CHD4: variants seen among roughly 807,000 people sequenced by gnomAD.
CHD4 encodes the protein ATP-dependent chromatin remodeler CHD4.
In CHD4, 35 loss-of-function variants were observed where a neutral mutation model predicts 235.5. The ratio of observed to expected loss-of-function variants is 0.15; its 90% CI spans 0.11 to 0.20. The LOEUF (loss-of-function observed/expected upper bound fraction) is 0.20, where lower values mean the gene tolerates loss of function less well. CHD4 is among the 10% of genes least tolerant of loss of function. CHD4 has a pLI of 1.00. For synonymous variants in CHD4, 900 were observed against 850.2 expected, an observed-to-expected ratio of 1.06 and a Z score of -1.02; for missense variants, 1,329 against 2,432.3, an observed-to-expected ratio of 0.55 and a Z score of 9.54.
chr12:6,570,760 C>T, intron 39 of CHD4, 67 bp from the exon 40 acceptor site: 1 of 1,612,726 alleles, frequency 6.2e-7, no homozygotes, highest in Non-Finnish European at 8.5e-7. Context: ...CAAGGGAATT[C>T]ACTGATAGGC....
At chr12:6,580,712 A>AAAAACAAAAC in intron 33 of CHD4, 1 of 221,310 alleles carries the variant, frequency 4.5e-6, no homozygotes, top group Non-Finnish European at 8.4e-6. Context: ...TTGAAAAAAA[A>AAAAACAAAAC]AAAAAAAAAA....
At position 6,580,704 on chromosome 12, in the gene CHD4, G is replaced by GAAAAAA. The variant is rs57266458; in HGVS notation, c.4909+334_4909+339dup. ...CCTGGGCAACGAGTAAAACTCCTTT[G>GAAAAAA]AAAAAAAAAAAAAAAAAAAAAAAGC... is the stretch of plus-strand genomic sequence containing the variant. On this transcript the variant is annotated intron_variant, in intron 33 of 39. Transcript: ENST00000544040. 33 of 43,448 alleles carry GAAAAAA rather than the reference G, an allele frequency of 7.6e-4. 1 individual carries two copies. Among genetic ancestry groups the GAAAAAA allele is most frequent in the African/African-American group, 3.1e-3 (24 of 7,750 alleles). The allele number at this position is 43,448 out of a possible 1,614,324, so 2.7% of individuals were successfully genotyped here.
Position 6,605,654 on chromosome 12 carries a change from C to T in CHD4, c.100+620G>A, listed in dbSNP as rs1348710776. On this transcript the variant is annotated intron_variant, in intron 2 of 39. Transcript: ENST00000544040. Reference sequence around the variant, plus strand: ...CCTTCTTTTGCCCCTCTTCACTAGGCTATTACATCCTCCCCGAGCCCCCAT... The same window carrying T: ...CCTTCTTTTGCCCCTCTTCACTAGGTTATTACATCCTCCCCGAGCCCCCAT... Among the ~76,000 whole-genome samples the T allele has an allele frequency of 5.3e-5, 8 of 152,162 alleles. No individual in the cohort carries two copies. The South Asian group carries it at 1.7e-3, about 32-fold the overall frequency.
rs974810676 is a variant in CHD4 at position 6,600,608 on chromosome 12, G to A, written c.989C>T (p.Ser330Phe). The change falls in exon 8 of 40, where the codon TCT (serine) becomes TTT (phenylalanine). Residue 330 changes from serine to phenylalanine, a missense_variant. Ser to Phe is a radical substitution (Grantham distance 155). Coordinates refer to ENST00000544040, the MANE Select transcript of CHD4 (RefSeq NM_001273.5). ...ACGGCTGGTGGAACCATCAGAAACA[G>A]AATAGCTATTGATACTGGCATCATC... ...DFDDASINSYSVSDGSTSRSS... is the reference protein window; with the variant it reads ...DFDDASINSYFVSDGSTSRSS... 6.2e-7 allele frequency: 1 copy of A among 1,614,068 alleles called. No individual in the cohort carries two copies. The highest frequency in any genetic ancestry group is 8.5e-7 in the Non-Finnish European group (1 of 1,180,014).
At chr12:6,598,198 A>G (rs979534126) in intron 11 of CHD4, 24 bp downstream of exon 11, 6 of 1,609,632 alleles carry the variant, frequency 3.7e-6, no homozygotes, top group Non-Finnish European at 5.1e-6. Flanking sequence ...TAGCCCCTAC[A>G]TCTCCAGACT....
At position 6,601,932 on chromosome 12, in the gene CHD4, AC is replaced by A. The variant is rs1190907980; in HGVS notation, c.438+27del. On this transcript the variant is annotated intron_variant, in intron 4 of 39. Coordinates refer to ENST00000544040, the MANE Select transcript of CHD4 (RefSeq NM_001273.5). ...AACAAAAAGACAAAAGTTTAACAGT[AC>A]AAAGAAGAGGATGGAGGTCCAGGCA... 1.9e-6 allele frequency: 3 copies of A among 1,605,706 alleles called. No individual in the cohort carries two copies. In the South Asian group the frequency reaches 3.3e-5, roughly 18 times the overall value.
At chr12:6,604,768 T>G in intron 2 of CHD4, among the ~76,000 whole-genome samples, 1 of 152,028 alleles carries the variant, frequency 6.6e-6, no homozygotes, top group East Asian at 1.9e-4. Flanking sequence ...GAATGGGGTG[T>G]GGCAAGTGGA....
At chr12:6,604,491 G>GATTTCACCA (rs1948655671) in intron 2 of CHD4, among the ~76,000 whole-genome samples, 1 of 151,888 alleles carries the variant, frequency 6.6e-6, no homozygotes, top group Admixed American at 6.6e-5. Flanking sequence ...TTCCCCCTTG[G>GATTTCACCA]GAATGCAACA....
chr12:6,580,046 ACTC>A (rs1948151125), intron 33 of CHD4, among the ~76,000 whole-genome samples: 1 of 125,158 alleles, frequency 8.0e-6, no homozygotes, highest in African/African-American at 3.4e-5. Context: ...ACAAAGCGAG[ACTC>A]CGTCTCAAAA....
At chr12:6,585,229 A>T (rs1001957212) in intron 25 of CHD4, among the ~76,000 whole-genome samples, 5 of 151,874 alleles carry the variant, frequency 3.3e-5, no homozygotes, top group African/African-American at 1.2e-4. Flanking sequence ...CTCACATACT[A>T]TTTTTTTTAC....
intron 2 of CHD4, among the ~76,000 whole-genome samples, chr12:6,603,535 G>A (rs1948634594): frequency 6.6e-6 from 1 of 151,608 alleles, no homozygotes; most frequent in Non-Finnish European, 1.5e-5. Flanking sequence ...AAGTGGCAGG[G>A]GAGGGGGTGG....
chr12:6,578,646 C>G lies in CHD4; in HGVS notation c.4982-100G>C, dbSNP rs1948115281. Reference sequence around the variant, plus strand: ...TGCTACAAGAATCCATCCACCTACACCCCTTCTCCACCTGGGTGTCTCTCA... The same window carrying G: ...TGCTACAAGAATCCATCCACCTACAGCCCTTCTCCACCTGGGTGTCTCTCA... On this transcript the variant is annotated intron_variant, in intron 34 of 39. Transcript: ENST00000544040. The G allele has an allele frequency of 4.5e-6, 7 of 1,561,298 alleles. No homozygotes were observed. In the African/African-American group the frequency reaches 6.8e-5, roughly 15 times the overall value.
At position 6,593,136 on chromosome 12, in the gene CHD4, G is replaced by A. The variant is rs749114351; in HGVS notation, c.2607C>T (p.Cys869=). The change falls in exon 17 of 40, where the codon TGC becomes TGT. Residue 869 remains cysteine, a synonymous_variant. Transcript: ENST00000544040. The surrounding 1 kb of genome is among the most constrained non-coding windows in gnomAD (Gnocchi z 4.9). ...GCCGATGGGCTTCATCCACGATGAG[G>A]CAGGCCCAATCAATAGAGCCCAAAA... ...MAILGSIDWA[C]LIVDEAHRLK... 90 of 1,614,044 alleles carry A rather than the reference G, an allele frequency of 5.6e-5. 1 individual carries two copies. The South Asian group carries it at 9.4e-4, about 17-fold the overall frequency.
intron 1 of CHD4, chr12:6,606,999 G>C (rs1948714928): frequency 6.6e-6 from 1 of 151,096 alleles, no homozygotes; most frequent in African/African-American, 2.4e-5. Flanking sequence ...ACCGGGAAGG[G>C]GGCCGGGCCA....
intron 15 of CHD4, 91 bp downstream of exon 15, chr12:6,594,368 T>G: frequency 8.6e-6 from 11 of 1,275,850 alleles, no homozygotes; most frequent in Non-Finnish European, 1.2e-5. Flanking sequence ...GAGACCAATT[T>G]TTTTATTCCC....
chr12:6,582,411 C>T (rs768354353), intron 29 of CHD4, 130 bp from the exon 30 acceptor site: 13 of 1,315,232 alleles, frequency 9.9e-6, no homozygotes, highest in East Asian at 2.3e-5. Context: ...CACCACTGCA[C>T]GGGAAGGCTG....
rs1467542828 is a variant in CHD4, at chr12:6,601,317, G to A, written c.771C>T (p.Ile257=). 1.2e-6 allele frequency: 2 copies of A among 1,614,014 alleles called. No individual in the cohort carries two copies. Among genetic ancestry groups the A allele is most frequent in the Non-Finnish European group, 1.7e-6 (2 of 1,180,016 alleles). ...TGCCCTCCTTGGTCTTGGCCTTGCG[G>A]ATAGGCACCTCCACAGGGGGAGGTG... ...APPPPPVEVP[I]RKAKTKEGKG... Residue 257 remains isoleucine (I), a synonymous_variant, in exon 6 of 40, where the codon ATC becomes ATT. Coordinates refer to ENST00000544040, the MANE Select transcript of CHD4 (RefSeq NM_001273.5).
Position 6,606,298 on chromosome 12 carries a change from T to C in CHD4, c.76A>G (p.Asn26Asp), listed in dbSNP as rs755191349. The change falls in exon 2 of 40, where the codon AAC becomes GAC. Residue 26 changes from asparagine (N) to aspartate (D), a missense_variant. Physicochemically the swap from Asn to Asp is conservative, Grantham distance 23. Coordinates refer to ENST00000544040, the MANE Select transcript of CHD4 (RefSeq NM_001273.5). ...CCTGGGTGGGGTGGGGGCAGGCTGT[T>C]GTTCAAAAGTGCATCCATATCCTCC... ...EEEDMDALLN[N>D]SLPPPHPENE... The C allele has an allele frequency of 1.3e-6, 2 of 1,584,980 alleles. No individual in the cohort carries two copies. Among genetic ancestry groups the C allele is most frequent in the East Asian group, 4.9e-5 (2 of 40,772 alleles).
rs1948701209 is a variant in CHD4 at position 6,606,420 on chromosome 12, C to T, written c.-47G>A. 2.2e-6 allele frequency: 3 copies of T among 1,379,584 alleles called. No individual in the cohort carries two copies. The highest frequency in any genetic ancestry group is 1.5e-5 in the African/African-American group (1 of 67,026). 85.5% of individuals were successfully genotyped at this position (1,379,584 alleles called of 1,614,324 possible). ...GAATTGGCCCAGCTGCTCCTGCCGG[C>T]GGCCTGAGGACCTCTACACTGGCCC... On this transcript the variant is annotated 5_prime_UTR_variant, in exon 2 of 40. Coordinates refer to ENST00000544040, the MANE Select transcript of CHD4 (RefSeq NM_001273.5).
Sources: gnomAD v4.1 joint callset for allele counts (sites outside exome capture counted in the v4.1 genomes callset) on GRCh38, gnomAD v4.1.1 for gene constraint, Gnocchi (gnomAD v3.1) non-coding constraint, MANE v1.5 for transcripts, NCBI Gene and HGNC (gene_info 2026-07-23, HGNC 2026-07-21) for gene names.